The following ENAH variants were observed in gnomAD, a reference collection of about 807,000 sequenced individuals.
ENAH encodes the protein protein enabled homolog.
Under a neutral mutation model 78.7 loss-of-function variants are expected in ENAH, and 23 were observed. That is an observed-to-expected ratio of 0.29 (90% CI 0.21 to 0.41). The LOEUF is 0.41. ENAH is among the 10% of genes least tolerant of loss of function. ENAH has a pLI of 1.00. For missense variants in ENAH, 544 were observed against 691.0 expected, an observed-to-expected ratio of 0.79 and a Z score of 2.39; for synonymous variants, 226 against 241.0, an observed-to-expected ratio of 0.94 and a Z score of 0.58.
rs750285665 is a variant in ENAH at position 225,567,341 on chromosome 1, C to G, written c.79G>C (p.Gly27Arg). The G allele has an allele frequency of 1.2e-6, 2 of 1,613,950 alleles. No individual in the cohort carries two copies. The highest frequency in any genetic ancestry group is 1.7e-6 in the Non-Finnish European group (2 of 1,179,996). The stretch of plus-strand genomic sequence containing the variant: ...ACTCTGCTGAATCCAGTTGAGCCAC[C>G]AGCTGGCACCCACTTCTTATTGGCA... The part of the protein sequence containing the change: ...DDANKKWVPA[G>R]GSTGFSRVHI... The change falls in exon 2 of 14, where the codon GGT becomes CGT. Residue 27 changes from glycine (G) to arginine (R), a missense_variant. Gly to Arg is a moderately radical substitution (Grantham distance 125). Transcript: ENST00000366843.
In ENAH at chr1:225,652,952, C is replaced by G. The variant is rs1663328144; in HGVS notation, c.-262G>C. On this transcript the variant is annotated 5_prime_UTR_variant, in exon 1 of 14. Transcript: ENST00000366843. ...GCGGAGCTGGTCCCCAGGCGGCCGC[C>G]GCCTCCCACCTCCTCGTGGTCCTGC... The G allele has an allele frequency of 5.4e-6, 2 of 371,786 alleles. No homozygotes were observed. The highest frequency in any genetic ancestry group is 7.7e-5 in the East Asian group (2 of 26,096). The allele number at this position is 371,786 out of a possible 1,614,324, so 23.0% of individuals were successfully genotyped here.
At chr1:225,547,078 G>GT (rs397968121) in intron 3 of ENAH, among the ~76,000 whole-genome samples, 16,905 of 144,938 alleles carry the variant, frequency 0.12, 1,854 homozygotes, top group African/African-American at 0.3. Flanking sequence ...TTTTTGTTTT[G>GT]TTTTTTTTTT....
At chr1:225,539,597 T>C (rs768313818) in intron 3 of ENAH, among the ~76,000 whole-genome samples, 1 of 152,184 alleles carries the variant, frequency 6.6e-6, no homozygotes, top group Admixed American at 6.5e-5. Context: ...TCATCGCTCT[T>C]AGTAAAAGCT....
chr1:225,583,943 A>T (rs959467834), intron 1 of ENAH, among the ~76,000 whole-genome samples: 1 of 152,168 alleles, frequency 6.6e-6, no homozygotes, highest in Admixed American at 6.5e-5. Context: ...ACTTGAGGCC[A>T]GGGGTTCAAG....
chr1:225,594,856 A>C (rs1010472172), intron 1 of ENAH, among the ~76,000 whole-genome samples: 5 of 152,250 alleles, frequency 3.3e-5, no homozygotes, highest in African/African-American at 1.2e-4. Flanking sequence ...AGCTTTGCTA[A>C]GAGCATAATC....
chr1:225,600,187 T>C (rs1317786836), intron 1 of ENAH, among the ~76,000 whole-genome samples: 2 of 152,164 alleles, frequency 1.3e-5, no homozygotes, highest in Non-Finnish European at 2.9e-5. Context: ...CAACACAAAA[T>C]GGACTAACAC....
At chr1:225,605,421 G>C (rs1411232842) in intron 1 of ENAH, among the ~76,000 whole-genome samples, 1 of 152,118 alleles carries the variant, frequency 6.6e-6, no homozygotes, top group Non-Finnish European at 1.5e-5. Flanking sequence ...CCAGTTCATA[G>C]ATTTGGAAGC....
At chr1:225,536,639 T>C (rs1575445352) in intron 3 of ENAH, among the ~76,000 whole-genome samples, 1 of 152,080 alleles carries the variant, frequency 6.6e-6, no homozygotes, top group East Asian at 1.9e-4. Context: ...AACTAAAAGT[T>C]TTAGAAAAAT....
At position 225,652,724 on chromosome 1, in the gene ENAH, G is replaced by A. The variant is rs1450064379; in HGVS notation, c.-34C>T. ...CGGCGCAGAGGCTTCCCCACCAGCCGGGAGACGCAGAAGGCGCCGAGCCGA... is the reference window on the plus strand; with the variant it reads ...CGGCGCAGAGGCTTCCCCACCAGCCAGGAGACGCAGAAGGCGCCGAGCCGA... On this transcript the variant is annotated 5_prime_UTR_variant, in exon 1 of 14. Coordinates refer to ENST00000366843, the MANE Select transcript of ENAH (RefSeq NM_018212.6). 3.0e-6 allele frequency: 4 copies of A among 1,316,928 alleles called. No individual in the cohort carries two copies. The highest frequency in any genetic ancestry group is 3.9e-6 in the Non-Finnish European group (4 of 1,035,018). The allele number at this position is 1,316,928 out of a possible 1,614,324, so 81.6% of individuals were successfully genotyped here. A position where few individuals can be genotyped will look rare whatever the true frequency, so the allele number is the denominator to read the frequency against.
At chr1:225,652,540 G>C in intron 1 of ENAH, 146 bp downstream of exon 1, 2 of 1,059,988 alleles carry the variant, frequency 1.9e-6, no homozygotes, top group East Asian at 3.2e-5. Flanking sequence ...AATTGGAAGG[G>C]ACAAAAGGCG....
rs144155965 is a variant in ENAH, at chr1:225,521,424, C to T, written c.435-1859G>A. Among the ~76,000 whole-genome samples, 1,091 of 151,852 alleles carry T rather than the reference C, an allele frequency of 7.2e-3. 31 individuals carry two copies. Among genetic ancestry groups the T allele is most frequent in the Admixed American group, 0.053 (805 of 15,252 alleles). On this transcript the variant is annotated intron_variant, in intron 4 of 13. Coordinates refer to ENST00000366843, the MANE Select transcript of ENAH (RefSeq NM_018212.6). ...CTGTAATCCCAGCACTTTGGGAGGC[C>T]GAGGTCAGGAGTTTGAGACTAGCTT...
At chr1:225,517,113 A>T in intron 6 of ENAH, 83 bp downstream of exon 6, 1 of 1,177,394 alleles carries the variant, frequency 8.5e-7, no homozygotes, top group Non-Finnish European at 1.2e-6. Context: ...AAACCATCCT[A>T]CCCATCCATT....
chr1:225,515,035 G>C (rs748787492), intron 6 of ENAH, 135 bp from the exon 7 acceptor site: 209 of 761,054 alleles, frequency 2.7e-4, no homozygotes, highest in Non-Finnish European at 2.5e-4. Flanking sequence ...ATTTATCATA[G>C]TTGTAAAAGT....
intron 7 of ENAH, 99 bp downstream of exon 7, chr1:225,514,497 T>C: frequency 1.0e-6 from 1 of 999,744 alleles, no homozygotes; most frequent in South Asian, 1.4e-5. Flanking sequence ...ATCAATGAAG[T>C]TCATAACATT....
At chr1:225,621,022 T>G (rs1318482722) in intron 1 of ENAH, among the ~76,000 whole-genome samples, 2 of 151,844 alleles carry the variant, frequency 1.3e-5, no homozygotes. Context: ...GAAAAAAAAG[T>G]GTGGAGATAG....
intron 1 of ENAH, among the ~76,000 whole-genome samples, chr1:225,610,093 T>C (rs148885935): frequency 1.3e-5 from 2 of 152,050 alleles, no homozygotes; most frequent in Admixed American, 6.6e-5. Flanking sequence ...TAGAATAATA[T>C]TTAATTACAG....
intron 2 of ENAH, among the ~76,000 whole-genome samples, chr1:225,558,501 A>C (rs2096680109): frequency 6.6e-6 from 1 of 151,932 alleles, no homozygotes; most frequent in South Asian, 2.1e-4. Context: ...TAAGATTCAC[A>C]GTGATGTCCC....
intron 1 of ENAH, among the ~76,000 whole-genome samples, chr1:225,591,358 C>T (rs1215990472): frequency 1.3e-5 from 2 of 151,794 alleles, no homozygotes; most frequent in Non-Finnish European, 2.9e-5. Context: ...ATCCCAGCTA[C>T]TCAGGAGGCT....
chr1:225,542,423 G>A (rs1387471464), intron 3 of ENAH, among the ~76,000 whole-genome samples: 1 of 152,104 alleles, frequency 6.6e-6, no homozygotes, highest in African/African-American at 2.4e-5. Flanking sequence ...TATCCATTCA[G>A]GATGGTTCAT....
Sources: allele counts gnomAD v4.1 joint callset (sites outside exome capture counted in the v4.1 genomes callset), GRCh38; gene constraint gnomAD v4.1.1; transcripts MANE v1.5; gene names NCBI Gene and HGNC (gene_info 2026-07-23, HGNC 2026-07-21).